The following ZNF334 variants were observed in gnomAD, a reference collection of about 807,000 sequenced individuals.
ZNF334 encodes zinc finger protein 334.
Under a neutral mutation model 12.4 loss-of-function variants are expected in ZNF334, and 14 were observed. That is an observed-to-expected ratio of 1.13 (90% CI 0.74 to 1.76). ZNF334 has a LOEUF of 1.76. Among genes scored for constraint, ZNF334 ranks in the 40% most tolerant of loss-of-function variants. ZNF334 has a pLI of 0.00. For missense variants in ZNF334, 797 were observed against 804.5 expected (o/e 0.99, Z 0.11); for synonymous variants, 273 against 269.6 (o/e 1.01, Z -0.12).
At chr20:46,504,467 T>C (rs1300746788) in intron 3 of ZNF334, 147 bp downstream of exon 3, 2 of 1,174,530 alleles carry the variant, frequency 1.7e-6, no homozygotes, top group Non-Finnish European at 1.2e-6. Context: ...GGGCAGTGAA[T>C]ACATACACAA....
the ZNF334 span, among the ~76,000 whole-genome samples, chr20:46,465,557 C>G: frequency 6.6e-6 from 1 of 151,992 alleles, no homozygotes; most frequent in East Asian, 1.9e-4. Context: ...AACAAACAAA[C>G]AAAAAACACT....
At chr20:46,503,686 G>A (rs1227320347) in intron 4 of ZNF334, among the ~76,000 whole-genome samples, 3 of 152,178 alleles carry the variant, frequency 2.0e-5, no homozygotes, top group Non-Finnish European at 4.4e-5. Flanking sequence ...AGGCAAGCAG[G>A]ATACCCAGGG....
the ZNF334 span, among the ~76,000 whole-genome samples, chr20:46,468,095 GC>G: frequency 6.6e-6 from 1 of 152,182 alleles, no homozygotes; most frequent in Non-Finnish European, 1.5e-5. Context: ...GGGCAGGCAA[GC>G]CCCCAGATTA....
At chr20:46,462,759 G>C in the ZNF334 span, among the ~76,000 whole-genome samples, 1 of 152,134 alleles carries the variant, frequency 6.6e-6, no homozygotes, top group African/African-American at 2.4e-5. Flanking sequence ...AAATCTATCT[G>C]CCACAGAAGG....
chr20:46,468,010 G>C, the ZNF334 span, among the ~76,000 whole-genome samples: 5 of 152,304 alleles, frequency 3.3e-5, no homozygotes, highest in Admixed American at 2.6e-4. Context: ...GCTTATAAGT[G>C]ATATGACTCC....
the ZNF334 span, among the ~76,000 whole-genome samples, chr20:46,470,671 G>A: frequency 2.0e-5 from 3 of 152,214 alleles, no homozygotes; most frequent in Admixed American, 6.5e-5. Context: ...TCCATTTTAC[G>A]CATCTGTAAA....
the ZNF334 span, among the ~76,000 whole-genome samples, chr20:46,488,774 C>G: frequency 6.7e-6 from 1 of 149,386 alleles, no homozygotes; most frequent in Non-Finnish European, 1.5e-5. Flanking sequence ...TTTTGAAAGC[C>G]ATATGCTGGG....
At chr20:46,504,123 A>C in intron 4 of ZNF334, 91 bp downstream of exon 4, 1 of 864,272 alleles carries the variant, frequency 1.2e-6, no homozygotes, top group East Asian at 2.6e-5. Flanking sequence ...AAAGAAATTC[A>C]TGAAAAACAT....
chr20:46,509,505 G>A (rs1000543882), intron 2 of ZNF334: 25 of 693,468 alleles, frequency 3.6e-5, no homozygotes, highest in South Asian at 1.6e-4. Context: ...GGGTCAGCAC[G>A]TGGGTCAGCA....
At chr20:46,495,719 A>G (rs2061010798), downstream of ZNF334, among the ~76,000 whole-genome samples, 1 of 152,130 alleles carries the variant, frequency 6.6e-6, no homozygotes, top group Non-Finnish European at 1.5e-5. Context: ...TGAGGAAATA[A>G]CCATGGGATG....
chr20:46,508,208 A>T (rs2061505790), intron 2 of ZNF334, among the ~76,000 whole-genome samples: 2 of 152,210 alleles, frequency 1.3e-5, no homozygotes, highest in Admixed American at 1.3e-4. Context: ...AGAGCAGAGG[A>T]GAGTTCACCA....
chr20:46,467,597 G>A, the ZNF334 span, among the ~76,000 whole-genome samples: 2 of 152,202 alleles, frequency 1.3e-5, no homozygotes. Context: ...CTCAGCTTTA[G>A]CTCTGATGTT....
intron 4 of ZNF334, 90 bp downstream of exon 4, chr20:46,504,124 T>G (rs1568864814): frequency 3.4e-6 from 3 of 872,774 alleles, no homozygotes. Flanking sequence ...AAGAAATTCA[T>G]GAAAAACATT....
At chr20:46,474,898 T>C in the ZNF334 span, among the ~76,000 whole-genome samples, 4 of 152,118 alleles carry the variant, frequency 2.6e-5, no homozygotes, top group Non-Finnish European at 5.9e-5. Flanking sequence ...CATCAATAAA[T>C]GGTAGTTTAG....
chr20:46,506,096 A>G (rs1348769721), intron 2 of ZNF334: 2 of 369,232 alleles, frequency 5.4e-6, no homozygotes, highest in Admixed American at 4.6e-5. Flanking sequence ...AAATGAAGGC[A>G]CTGATCTTTA....
the ZNF334 span, among the ~76,000 whole-genome samples, chr20:46,470,707 C>T: frequency 1.3e-5 from 2 of 152,304 alleles, no homozygotes; most frequent in African/African-American, 4.8e-5. Context: ...TTGCCTGTTA[C>T]TTGAAGTCCA....
At chr20:46,512,307 G>C (rs1483962973) in intron 1 of ZNF334, among the ~76,000 whole-genome samples, 167 bp from the exon 2 acceptor site, 1 of 152,172 alleles carries the variant, frequency 6.6e-6, no homozygotes, top group Non-Finnish European at 1.5e-5. Context: ...TATAGTTCTA[G>C]AATGGTCTCA....
chr20:46,494,449 G>T, the ZNF334 span, among the ~76,000 whole-genome samples: 1 of 152,114 alleles, frequency 6.6e-6, no homozygotes, highest in African/African-American at 2.4e-5. Flanking sequence ...ATATCTCTAA[G>T]GAAAGGTGTA....
chr20:46,497,263 C>G (rs1300022256), downstream of ZNF334, among the ~76,000 whole-genome samples: 1 of 152,164 alleles, frequency 6.6e-6, no homozygotes, highest in East Asian at 1.9e-4. Flanking sequence ...TCTGGAGGGA[C>G]AGAGTATCCA....
Sources: allele counts gnomAD v4.1 joint callset (sites outside exome capture counted in the v4.1 genomes callset), GRCh38; gene constraint gnomAD v4.1.1; transcripts MANE v1.5; gene names NCBI Gene and HGNC (gene_info 2026-07-23, HGNC 2026-07-21).